Variants in AGBL1 observed in about 807,000 individuals in gnomAD.
AGBL1 encodes cytosolic carboxypeptidase 4.
A neutral mutation model predicts 118.9 loss-of-function variants in AGBL1; 130 were observed. The observed-to-expected ratio is 1.09, with a 90% confidence interval of 0.95 to 1.26. The LOEUF (loss-of-function observed/expected upper bound fraction) is 1.26. Ranked by LOEUF, AGBL1 falls within the 50% of genes most tolerant of loss-of-function variation. The pLI is 0.00. For synonymous variants in AGBL1, 555 were observed against 478.9 expected, an observed-to-expected ratio of 1.16 and a Z score of -2.08; for missense variants, 1,584 against 1,298.1, an observed-to-expected ratio of 1.22 and a Z score of -3.38.
chr15:86,558,342 T>A (rs1404976753), intron 21 of AGBL1, among the ~76,000 whole-genome samples: 1 of 152,110 alleles, frequency 6.6e-6, no homozygotes, highest in Non-Finnish European at 1.5e-5. Flanking sequence ...GCAGCCTACA[T>A]CCAATAGCTG....
chr15:86,934,461 G>A (rs2080642344), intron 23 of AGBL1, among the ~76,000 whole-genome samples: 1 of 151,912 alleles, frequency 6.6e-6, no homozygotes, highest in Non-Finnish European at 1.5e-5. Flanking sequence ...GAATAAACAA[G>A]CCAGTATGTT....
At chr15:86,860,276 C>T (rs994323929) in intron 22 of AGBL1, among the ~76,000 whole-genome samples, 4 of 152,070 alleles carry the variant, frequency 2.6e-5, no homozygotes, top group Non-Finnish European at 5.9e-5. Flanking sequence ...GTGCCCAGCA[C>T]ATGGTGAGTT....
At chr15:86,640,795 C>T (rs530223957) in intron 21 of AGBL1, among the ~76,000 whole-genome samples, 1 of 152,166 alleles carries the variant, frequency 6.6e-6, no homozygotes, top group East Asian at 1.9e-4. Flanking sequence ...ATAAATCTGG[C>T]AAGGCATTTT....
chr15:86,638,404 T>C (rs986915713), intron 21 of AGBL1, among the ~76,000 whole-genome samples: 2 of 152,224 alleles, frequency 1.3e-5, no homozygotes, highest in African/African-American at 4.8e-5. Context: ...CTGTATCACC[T>C]GGTCCATTTC....
At chr15:86,823,038 T>A (rs544125748) in intron 22 of AGBL1, among the ~76,000 whole-genome samples, 1 of 152,262 alleles carries the variant, frequency 6.6e-6, no homozygotes, top group Non-Finnish European at 1.5e-5. Context: ...ATAGATGGCT[T>A]TTGTTAACAA....
intron 1 of AGBL1, among the ~76,000 whole-genome samples, chr15:86,082,626 C>T (rs548305273): frequency 1.8e-4 from 27 of 152,296 alleles, no homozygotes; most frequent in African/African-American, 5.5e-4. Flanking sequence ...TAAAATAAAC[C>T]GGGCCACTAA....
At chr15:86,117,744 G>C (rs1324797067) in intron 1 of AGBL1, among the ~76,000 whole-genome samples, 1 of 151,918 alleles carries the variant, frequency 6.6e-6, no homozygotes, top group Non-Finnish European at 1.5e-5. Flanking sequence ...TCTTTTTCTG[G>C]GTTTTCACAG....
At chr15:86,790,956 A>G (rs1057002579) in intron 22 of AGBL1, among the ~76,000 whole-genome samples, 1 of 152,152 alleles carries the variant, frequency 6.6e-6, no homozygotes, top group African/African-American at 2.4e-5. Flanking sequence ...TAACCAAAAT[A>G]ATCCATGTAG....
chr15:86,891,093 C>T (rs1168448311), intron 22 of AGBL1, among the ~76,000 whole-genome samples: 2 of 151,942 alleles, frequency 1.3e-5, no homozygotes, highest in Non-Finnish European at 2.9e-5. Context: ...TTGAAGAAGT[C>T]CTTCACTTCC....
At chr15:86,545,595 C>T (rs1177393695) in intron 19 of AGBL1, among the ~76,000 whole-genome samples, 2 of 152,056 alleles carry the variant, frequency 1.3e-5, no homozygotes, top group African/African-American at 4.8e-5. Flanking sequence ...TGTTTTTCTC[C>T]TCTGTGTGTC....
At chr15:86,647,557 C>A (rs572927491) in intron 21 of AGBL1, among the ~76,000 whole-genome samples, 5 of 152,122 alleles carry the variant, frequency 3.3e-5, no homozygotes, top group Non-Finnish European at 5.9e-5. Context: ...AAAAATTAGC[C>A]AAATGTGGTG....
chr15:86,132,455 G>A (rs2141613410), intron 1 of AGBL1, among the ~76,000 whole-genome samples: 2 of 152,286 alleles, frequency 1.3e-5, no homozygotes, highest in South Asian at 4.1e-4. Context: ...ACCTGGAAGT[G>A]TTATTTACTT....
intron 23 of AGBL1, among the ~76,000 whole-genome samples, chr15:86,940,021 ACAGGCATGTGT>A (rs1188429216): frequency 6.8e-6 from 1 of 146,306 alleles, no homozygotes; most frequent in African/African-American, 2.5e-5. Context: ...AGCTGGAACT[ACAGGCATGTGT>A]CAACAAACTC....
intron 18 of AGBL1, among the ~76,000 whole-genome samples, chr15:86,460,214 T>A (rs2082314419): frequency 6.8e-6 from 1 of 146,242 alleles, no homozygotes; most frequent in Non-Finnish European, 1.5e-5. Flanking sequence ...ATGATAGGCA[T>A]CTCACACCTA....
At chr15:86,350,974 C>G (rs191029858) in intron 17 of AGBL1, among the ~76,000 whole-genome samples, 17 of 152,276 alleles carry the variant, frequency 1.1e-4, no homozygotes, top group African/African-American at 3.4e-4. Flanking sequence ...CAAGAGAATA[C>G]TTTTTGTATC....
At chr15:86,871,023 G>A (rs778593429) in intron 22 of AGBL1, among the ~76,000 whole-genome samples, 43 of 152,120 alleles carry the variant, frequency 2.8e-4, no homozygotes, top group East Asian at 1.3e-3. Context: ...CTTATCTGTC[G>A]CTCACTATCT....
intron 6 of AGBL1, among the ~76,000 whole-genome samples, chr15:86,230,038 G>C (rs1320398681): frequency 6.6e-6 from 1 of 152,186 alleles, no homozygotes; most frequent in Non-Finnish European, 1.5e-5. Flanking sequence ...GAGAAGAAAA[G>C]GGGGAGGGAG....
intron 21 of AGBL1, among the ~76,000 whole-genome samples, chr15:86,650,194 T>TC (rs1328924956): frequency 2.0e-5 from 3 of 152,168 alleles, no homozygotes; most frequent in Admixed American, 2.0e-4. Flanking sequence ...AGTAACAGAA[T>TC]CCCTTTCCCT....
chr15:86,608,689 T>C (rs911844903), intron 21 of AGBL1, among the ~76,000 whole-genome samples: 2 of 152,198 alleles, frequency 1.3e-5, no homozygotes, highest in South Asian at 2.1e-4. Flanking sequence ...CGGAGAACTC[T>C]GCCCATTGAA....
Sources: gnomAD v4.1 joint callset for allele counts (sites outside exome capture counted in the v4.1 genomes callset) on GRCh38, gnomAD v4.1.1 for gene constraint, MANE v1.5 for transcripts, NCBI Gene and HGNC (gene_info 2026-07-23, HGNC 2026-07-21) for gene names.